TMEM181: variants seen among roughly 807,000 people sequenced by gnomAD.
The protein encoded by TMEM181 is transmembrane protein 181, also known as G protein-coupled receptor 178.
In TMEM181, 39 loss-of-function variants were observed where a neutral mutation model predicts 71.9. The observed-to-expected ratio is 0.54, with a 90% confidence interval of 0.42 to 0.71. The LOEUF is 0.71. TMEM181 is among the 30% of genes least tolerant of loss of function. The pLI is 0.00. For missense variants in TMEM181, 595 were observed against 583.0 expected (o/e 1.02, Z -0.21); for synonymous variants, 245 against 228.8 (o/e 1.07, Z -0.64).
intron 11 of TMEM181, among the ~76,000 whole-genome samples, chr6:158,624,337 G>T (rs549233425): frequency 6.6e-6 from 1 of 152,126 alleles, no homozygotes; most frequent in Non-Finnish European, 1.5e-5. Flanking sequence ...AGGTGCTTTT[G>T]AGAAAAATGA....
intron 1 of TMEM181, among the ~76,000 whole-genome samples, chr6:158,562,446 T>TTGTGTGTG (rs58150738): frequency 0.11 from 15,665 of 141,072 alleles, 850 homozygotes; most frequent in Middle Eastern, 0.16. Flanking sequence ...AAGGCTGTTT[T>TTGTGTGTG]TGTGTGTGTG....
intron 10 of TMEM181, among the ~76,000 whole-genome samples, chr6:158,616,198 AC>A (rs1562310085): frequency 6.6e-6 from 1 of 152,148 alleles, no homozygotes; most frequent in African/African-American, 2.4e-5. Context: ...GAGGTCCTTC[AC>A]ATCCCTTGTA....
Position 158,628,777 on chromosome 6 carries a change from C to T in TMEM181, c.1192+287C>T, listed in dbSNP as rs567076184. Among the ~76,000 whole-genome samples the T allele has an allele frequency of 9.2e-4, 140 of 152,336 alleles. 1 individual carries two copies. Among genetic ancestry groups the T allele is most frequent in the Admixed American group, 1.6e-3 (24 of 15,310 alleles). On this transcript the variant is annotated intron_variant, in intron 14 of 16. Coordinates refer to ENST00000684151, the MANE Select transcript of TMEM181 (RefSeq NM_001376852.1). ...ACCCAGAGAGGCTGGCGCTCTGGAG[C>T]GTGCCCACGCCACGCTGCTTTCCAC...
intron 1 of TMEM181, among the ~76,000 whole-genome samples, chr6:158,540,862 G>A (rs570601427): frequency 7.2e-5 from 11 of 152,174 alleles, no homozygotes; most frequent in South Asian, 4.2e-4. Flanking sequence ...TGACCTCCTC[G>A]ACTCCTCTCC....
Position 158,560,151 on chromosome 6 carries a change from G to A in TMEM181, c.-74G>A, listed in dbSNP as rs1345753252. ...CGCTCCGGCTCCGGCTGCGGCTGCCGCTGCCGAGGCTGCTGCGCGGCGCCT... is the reference window on the plus strand; with the variant it reads ...CGCTCCGGCTCCGGCTGCGGCTGCCACTGCCGAGGCTGCTGCGCGGCGCCT... On this transcript the variant is annotated 5_prime_UTR_variant, in exon 1 of 17. Transcript: ENST00000684151. The A allele has an allele frequency of 4.1e-6, 4 of 984,732 alleles. No individual in the cohort carries two copies. Among genetic ancestry groups the A allele is most frequent in the Non-Finnish European group, 4.8e-6 (4 of 829,716 alleles). The allele number at this position is 984,732 out of a possible 1,614,324, so 61.0% of individuals were successfully genotyped here.
chr6:158,613,713 TTC>T (rs1412487927), intron 10 of TMEM181, among the ~76,000 whole-genome samples: 1 of 152,232 alleles, frequency 6.6e-6, no homozygotes, highest in African/African-American at 2.4e-5. Context: ...TCCAATTGTG[TTC>T]TGTTACGCAA....
intron 13 of TMEM181, chr6:158,626,611 G>A (rs919671854): frequency 4.4e-6 from 2 of 456,742 alleles, no homozygotes; most frequent in Admixed American, 4.7e-5. Flanking sequence ...TGTGAACTCA[G>A]CTCAGACTTG....
chr6:158,572,908 T>C (rs947130872), intron 1 of TMEM181, among the ~76,000 whole-genome samples: 1 of 145,786 alleles, frequency 6.9e-6, no homozygotes. Flanking sequence ...GGTTGTGAGG[T>C]TGTGAGGTTG....
intron 1 of TMEM181, among the ~76,000 whole-genome samples, chr6:158,540,654 G>T (rs1252133318): frequency 2.0e-5 from 3 of 152,100 alleles, no homozygotes; most frequent in Non-Finnish European, 4.4e-5. Context: ...GGTGGTGCAT[G>T]CCTGTGATCC....
intron 11 of TMEM181, among the ~76,000 whole-genome samples, chr6:158,624,431 G>C (rs537959903): frequency 1.7e-3 from 259 of 152,354 alleles, no homozygotes; most frequent in Non-Finnish European, 3.2e-3. Flanking sequence ...GGAAAGGGGT[G>C]GGGGGATGGC....
At position 158,623,546 on chromosome 6, in the gene TMEM181, T is replaced by C; in HGVS notation, c.897-4T>C. On this transcript the variant is annotated splice_polypyrimidine_tract_variant and splice_region_variant and intron_variant, in intron 10 of 16. Transcript: ENST00000684151. ...CTATAATTATTTATAATGTCAATTT[T>C]TAGAGTTAACGAATTACATGATCCA... 1 of 1,539,116 alleles carries C rather than the reference T, an allele frequency of 6.5e-7. No individual in the cohort carries two copies. The highest frequency in any genetic ancestry group is 1.3e-5 in the South Asian group (1 of 78,538).
chr6:158,570,694 A>C (rs1482460940), intron 1 of TMEM181, among the ~76,000 whole-genome samples: 1 of 151,700 alleles, frequency 6.6e-6, no homozygotes, highest in African/African-American at 2.4e-5. Context: ...TCCTCTGGGC[A>C]AGCCCTGTGG....
Position 158,560,181 on chromosome 6 carries a change from G to A in TMEM181, c.-44G>A, listed in dbSNP as rs1248314224. The A allele has an allele frequency of 4.1e-6, 4 of 984,908 alleles. No homozygotes were observed. The highest frequency in any genetic ancestry group is 4.8e-6 in the Non-Finnish European group (4 of 829,766). The allele number at this position is 984,908 out of a possible 1,614,324, so 61.0% of individuals were successfully genotyped here. A position where few individuals can be genotyped will look rare whatever the true frequency, so the allele number is the denominator to read the frequency against. ...CGAGGCTGCTGCGCGGCGCCTGGCG[G>A]GCTCGGGACGCGCGGGCCGGGGCCG... On this transcript the variant is annotated 5_prime_UTR_variant, in exon 1 of 17. Coordinates refer to ENST00000684151, the MANE Select transcript of TMEM181 (RefSeq NM_001376852.1).
At chr6:158,572,364 T>G (rs1782904031) in intron 1 of TMEM181, 1 of 456,146 alleles carries the variant, frequency 2.2e-6, no homozygotes, top group African/African-American at 2.0e-5. Flanking sequence ...TGAGGTGAGG[T>G]GCTCGGTCTC....
intron 10 of TMEM181, among the ~76,000 whole-genome samples, chr6:158,622,706 A>G (rs1036309650): frequency 6.6e-6 from 1 of 152,202 alleles, no homozygotes; most frequent in African/African-American, 2.4e-5. Flanking sequence ...TATGACTTGA[A>G]CTGACACATT....
chr6:158,572,915 G>GTTGTGGGC (rs1444933356), intron 1 of TMEM181, among the ~76,000 whole-genome samples: 2 of 151,574 alleles, frequency 1.3e-5, no homozygotes, highest in Non-Finnish European at 2.9e-5. Context: ...AGGTTGTGAG[G>GTTGTGGGC]TTGTGGGCTT....
chr6:158,605,602 C>T (rs138540375), intron 7 of TMEM181, among the ~76,000 whole-genome samples: 150 of 152,242 alleles, frequency 9.9e-4, no homozygotes, highest in African/African-American at 3.1e-3. Flanking sequence ...TGATCATGTG[C>T]GGTGAAAAGT....
intron 5 of TMEM181, among the ~76,000 whole-genome samples, chr6:158,588,149 A>G (rs1283909075): frequency 4.6e-5 from 7 of 152,248 alleles, no homozygotes; most frequent in Admixed American, 4.6e-4. Context: ...AAAATAGCAG[A>G]TGACCTGTGC....
intron 6 of TMEM181, among the ~76,000 whole-genome samples, chr6:158,596,389 AG>A (rs779638739): frequency 2.6e-5 from 4 of 152,010 alleles, no homozygotes; most frequent in Non-Finnish European, 5.9e-5. Flanking sequence ...TCAACCTTTG[AG>A]GGTTTCTGTT....
Sources: allele counts gnomAD v4.1 joint callset (sites outside exome capture counted in the v4.1 genomes callset), GRCh38; gene constraint gnomAD v4.1.1; transcripts MANE v1.5; gene names NCBI Gene and HGNC (gene_info 2026-07-23, HGNC 2026-07-21).